LGR5: variants seen among roughly 807,000 people sequenced by gnomAD.
LGR5 encodes leucine rich repeat containing G protein-coupled receptor 5, also known as leucine-rich repeat-containing G protein-coupled receptor 5.
Under a neutral mutation model 76.7 loss-of-function variants are expected in LGR5, and 54 were observed. The observed-to-expected ratio is 0.70, with a 90% CI of 0.57 to 0.88. LGR5 has a LOEUF of 0.88. Among genes scored for constraint, LGR5 ranks in the 40% least tolerant of loss-of-function variants. LGR5 has a pLI of 0.00. For missense variants in LGR5, 1,078 were observed against 1,073.3 expected (o/e 1.00, Z -0.06); for synonymous variants, 406 against 421.9 (o/e 0.96, Z 0.46).
intron 4 of LGR5, among the ~76,000 whole-genome samples, chr12:71,538,200 G>A (rs1235081382): frequency 2.0e-5 from 3 of 152,118 alleles, no homozygotes; most frequent in African/African-American, 7.2e-5. Flanking sequence ...AGCCTAGACT[G>A]CAGCCTAGAA....
intron 4 of LGR5, among the ~76,000 whole-genome samples, chr12:71,551,755 G>C (rs1171280548): frequency 1.3e-5 from 2 of 152,182 alleles, no homozygotes; most frequent in Non-Finnish European, 2.9e-5. Context: ...GGTGGCAACA[G>C]CTCATTAACC....
At chr12:71,477,310 G>A (rs371595090) in intron 1 of LGR5, among the ~76,000 whole-genome samples, 255 of 151,972 alleles carry the variant, frequency 1.7e-3, no homozygotes, top group African/African-American at 5.7e-3. Context: ...CACACTAAAC[G>A]GTGCAAATGG....
chr12:71,530,822 G>T (rs945196434), intron 3 of LGR5, among the ~76,000 whole-genome samples: 1 of 152,092 alleles, frequency 6.6e-6, no homozygotes, highest in Non-Finnish European at 1.5e-5. Flanking sequence ...GAATTCCCCT[G>T]TTCTCATGTA....
chr12:71,535,526 G>T (rs1458345334), intron 4 of LGR5, among the ~76,000 whole-genome samples: 2 of 151,536 alleles, frequency 1.3e-5, no homozygotes, highest in African/African-American at 2.4e-5. Context: ...AAAAAAAATA[G>T]ATGCTGTAAT....
At chr12:71,545,043 A>G (rs1877083737) in intron 4 of LGR5, among the ~76,000 whole-genome samples, 1 of 152,108 alleles carries the variant, frequency 6.6e-6, no homozygotes, top group Non-Finnish European at 1.5e-5. Flanking sequence ...AAGCCGAGGC[A>G]GGAGGATTGC....
At chr12:71,468,469 A>G (rs867940925) in intron 1 of LGR5, among the ~76,000 whole-genome samples, 8 of 152,210 alleles carry the variant, frequency 5.3e-5, no homozygotes, top group Admixed American at 3.9e-4. Context: ...TCCCTCTTGA[A>G]TGAGCCTTTT....
At chr12:71,484,450 T>C (rs144456864) in intron 1 of LGR5, among the ~76,000 whole-genome samples, 164 of 152,328 alleles carry the variant, frequency 1.1e-3, no homozygotes, top group African/African-American at 3.8e-3. Flanking sequence ...GCCAGCCCTA[T>C]TGAGTCCACC....
At chr12:71,570,209 G>T (rs779019015) in intron 11 of LGR5, among the ~76,000 whole-genome samples, 1 of 152,120 alleles carries the variant, frequency 6.6e-6, no homozygotes, top group Non-Finnish European at 1.5e-5. Context: ...TGCGTCCGGG[G>T]CTTAATACCT....
chr12:71,477,678 C>G (rs1354828029), intron 1 of LGR5, among the ~76,000 whole-genome samples: 1 of 151,920 alleles, frequency 6.6e-6, no homozygotes, highest in Non-Finnish European at 1.5e-5. Flanking sequence ...CTACTAACTG[C>G]CTTGGAAATT....
chr12:71,563,188 C>T (rs1797367), intron 8 of LGR5, among the ~76,000 whole-genome samples: 133,963 of 152,028 alleles, frequency 0.88, 60,998 homozygotes, highest in East Asian at 1. Flanking sequence ...CACTTTCTCC[C>T]ATAAACTCTC....
chr12:71,524,069 T>C (rs1226071263), intron 2 of LGR5, among the ~76,000 whole-genome samples: 1 of 152,240 alleles, frequency 6.6e-6, no homozygotes, highest in African/African-American at 2.4e-5. Context: ...GACAGTCACA[T>C]TTTGACATTA....
At chr12:71,539,604 A>C (rs1270020169) in intron 4 of LGR5, among the ~76,000 whole-genome samples, 4 of 152,046 alleles carry the variant, frequency 2.6e-5, no homozygotes, top group African/African-American at 9.7e-5. Context: ...CAGCCTCCTA[A>C]GTAGCTGGAA....
At position 71,440,061 on chromosome 12, in the gene LGR5, G is replaced by A. The variant is rs1871682196; in HGVS notation, c.-20G>A. The A allele has an allele frequency of 6.3e-7, 1 of 1,598,084 alleles. No homozygotes were observed. Among genetic ancestry groups the A allele is most frequent in the South Asian group, 1.1e-5 (1 of 90,954 alleles). On this transcript the variant is annotated 5_prime_UTR_variant, in exon 1 of 18. Transcript: ENST00000266674. This position sits in a 1 kb window ranked among gnomAD's most constrained non-coding sequence, Gnocchi z 5.3. ...TGCTCTCCGCCCGCGTCCGGCTCGTGGCCCCCTACTTCGGGCACCATGGAC... is the reference window on the plus strand; with the variant it reads ...TGCTCTCCGCCCGCGTCCGGCTCGTAGCCCCCTACTTCGGGCACCATGGAC...
upstream of LGR5, among the ~76,000 whole-genome samples, chr12:71,439,579 AG>A (rs1408906788): frequency 6.6e-6 from 1 of 151,590 alleles, no homozygotes; most frequent in East Asian, 2.0e-4. Context: ...TGAATCTTCC[AG>A]GCGGAGGCTC....
intron 2 of LGR5, among the ~76,000 whole-genome samples, chr12:71,524,151 T>C (rs79347114): frequency 6.6e-6 from 1 of 152,242 alleles, no homozygotes; most frequent in East Asian, 1.9e-4. Flanking sequence ...TTTATATATA[T>C]GTACATATGG....
intron 1 of LGR5, among the ~76,000 whole-genome samples, chr12:71,477,658 A>C (rs1346276082): frequency 6.6e-6 from 1 of 152,140 alleles, no homozygotes; most frequent in East Asian, 1.9e-4. Flanking sequence ...CTTACTGCTG[A>C]TAATGTAGTC....
intron 3 of LGR5, among the ~76,000 whole-genome samples, chr12:71,531,688 T>C (rs1443975864): frequency 1.3e-5 from 2 of 152,106 alleles, no homozygotes; most frequent in African/African-American, 4.8e-5. Flanking sequence ...GCCAACATGG[T>C]GAAACCCCGT....
chr12:71,566,818 A>G, intron 10 of LGR5, 23 bp from the exon 11 acceptor site: 1 of 1,607,644 alleles, frequency 6.2e-7, no homozygotes, highest in Non-Finnish European at 8.5e-7. Context: ...TGAAAGAATT[A>G]TGTCTGGTTT....
intron 7 of LGR5, among the ~76,000 whole-genome samples, chr12:71,561,524 C>G (rs907321876): frequency 1.3e-5 from 2 of 152,202 alleles, no homozygotes; most frequent in African/African-American, 4.8e-5. Flanking sequence ...CTTCTTATAA[C>G]ATTAGATTGT....
Sources: allele counts gnomAD v4.1 joint callset (sites outside exome capture counted in the v4.1 genomes callset), GRCh38; gene constraint gnomAD v4.1.1; non-coding constraint Gnocchi (gnomAD v3.1); transcripts MANE v1.5; gene names NCBI Gene and HGNC (gene_info 2026-07-23, HGNC 2026-07-21).